PTPRD: variants seen among roughly 807,000 people sequenced by gnomAD.
The protein encoded by PTPRD is protein tyrosine phosphatase receptor type D.
Under a neutral mutation model 214.5 loss-of-function variants are expected in PTPRD, and 34 were observed. The observed-to-expected ratio is 0.16, with a 90% CI of 0.12 to 0.21. The LOEUF is 0.21. Ranked by LOEUF, PTPRD falls within the 10% of genes least tolerant of loss-of-function variation. The probability of loss-of-function intolerance (pLI) is 1.00; values close to 1 mark genes in which losing one functional copy is unlikely to be tolerated. For missense variants in PTPRD, 2,545 were observed against 2,398.7 expected, an observed-to-expected ratio of 1.06 and a Z score of -1.27; for synonymous variants, 1,128 against 845.7, an observed-to-expected ratio of 1.33 and a Z score of -5.79.
intron 35 of PTPRD, among the ~76,000 whole-genome samples, chr9:8,429,995 T>G (rs1029668674): frequency 6.6e-6 from 1 of 152,190 alleles, no homozygotes; most frequent in Non-Finnish European, 1.5e-5. Context: ...CATGACAGGA[T>G]GGACTGTGGT....
At chr9:9,821,738 G>A (rs995011942) in intron 5 of PTPRD, among the ~76,000 whole-genome samples, 5 of 151,574 alleles carry the variant, frequency 3.3e-5, no homozygotes, top group Non-Finnish European at 7.4e-5. Flanking sequence ...AAATTTTACT[G>A]AAGACTTTGA....
intron 3 of PTPRD, among the ~76,000 whole-genome samples, chr9:10,257,664 G>C (rs1325059532): frequency 6.6e-6 from 1 of 152,094 alleles, no homozygotes; most frequent in Non-Finnish European, 1.5e-5. Flanking sequence ...TGAGAGGAGA[G>C]ACATCTGACC....
intron 31 of PTPRD, among the ~76,000 whole-genome samples, chr9:8,466,614 G>C (rs1469909878): frequency 6.6e-6 from 1 of 151,850 alleles, no homozygotes; most frequent in African/African-American, 2.4e-5. Context: ...CAAGGGAAAG[G>C]TCTGTATTAG....
chr9:9,437,313 C>T (rs996428718), intron 8 of PTPRD, among the ~76,000 whole-genome samples: 2 of 151,980 alleles, frequency 1.3e-5, no homozygotes, highest in East Asian at 1.9e-4. Context: ...TGTATTATTA[C>T]TTATTTTACT....
At chr9:8,984,905 A>T (rs1471094809) in intron 11 of PTPRD, among the ~76,000 whole-genome samples, 1 of 151,968 alleles carries the variant, frequency 6.6e-6, no homozygotes, top group African/African-American at 2.4e-5. Context: ...ACACTAAGTC[A>T]CTCATTTGAT....
intron 2 of PTPRD, among the ~76,000 whole-genome samples, chr9:10,415,797 G>A (rs920724039): frequency 1.3e-5 from 2 of 151,744 alleles, no homozygotes; most frequent in East Asian, 2.0e-4. Context: ...AAGAGGTGGT[G>A]ATTTTTACAG....
intron 10 of PTPRD, among the ~76,000 whole-genome samples, chr9:9,114,227 G>A (rs1476662138): frequency 1.3e-5 from 2 of 152,232 alleles, no homozygotes; most frequent in East Asian, 3.9e-4. Context: ...GGGTAGTTCG[G>A]GTGCAAACAG....
intron 4 of PTPRD, among the ~76,000 whole-genome samples, chr9:9,967,646 A>T (rs2094798963): frequency 6.6e-6 from 1 of 152,192 alleles, no homozygotes; most frequent in Non-Finnish European, 1.5e-5. Context: ...TAGAGAATTA[A>T]AAGTTGTATT....
At chr9:9,736,237 G>C (rs538634400) in intron 6 of PTPRD, among the ~76,000 whole-genome samples, 6 of 152,148 alleles carry the variant, frequency 3.9e-5, no homozygotes, top group African/African-American at 1.4e-4. Flanking sequence ...TTTTTGTCCA[G>C]CCTATGGTTC....
At chr9:8,973,550 T>A (rs1589139212) in intron 11 of PTPRD, among the ~76,000 whole-genome samples, 1 of 152,016 alleles carries the variant, frequency 6.6e-6, no homozygotes, top group Non-Finnish European at 1.5e-5. Context: ...CTTTTTAGTA[T>A]AATGATCTAT....
At chr9:9,801,548 G>A (rs754537604) in intron 5 of PTPRD, among the ~76,000 whole-genome samples, 15 of 152,128 alleles carry the variant, frequency 9.9e-5, no homozygotes, top group African/African-American at 2.6e-4. Flanking sequence ...GGTATATAAA[G>A]GGAGCATATT....
intron 13 of PTPRD, among the ~76,000 whole-genome samples, chr9:8,634,350 C>T (rs1431755985): frequency 6.6e-6 from 1 of 151,934 alleles, no homozygotes; most frequent in Non-Finnish European, 1.5e-5. Context: ...AGAAGTTGTG[C>T]CTTTTTTCTC....
intron 8 of PTPRD, among the ~76,000 whole-genome samples, chr9:9,539,104 G>C (rs2077068215): frequency 6.6e-6 from 1 of 151,772 alleles, no homozygotes; most frequent in Non-Finnish European, 1.5e-5. Context: ...AACAGTACAG[G>C]GTGATGTAAT....
intron 9 of PTPRD, among the ~76,000 whole-genome samples, chr9:9,350,327 T>C (rs2050630965): frequency 6.6e-6 from 1 of 152,110 alleles, no homozygotes; most frequent in Admixed American, 6.6e-5. Context: ...AGGTATGTGA[T>C]ATGGATTTCT....
chr9:9,728,324 G>A (rs1431597913), intron 7 of PTPRD, among the ~76,000 whole-genome samples: 1 of 152,158 alleles, frequency 6.6e-6, no homozygotes, highest in African/African-American at 2.4e-5. Flanking sequence ...AATACTTTAT[G>A]AGTCATAATT....
chr9:10,450,409 A>T (rs1170533770), intron 2 of PTPRD, among the ~76,000 whole-genome samples: 1 of 151,982 alleles, frequency 6.6e-6, no homozygotes, highest in Admixed American at 6.6e-5. Flanking sequence ...GGGAACTATA[A>T]GCAATTTGTA....
At chr9:9,371,168 T>G (rs990627676) in intron 9 of PTPRD, among the ~76,000 whole-genome samples, 9 of 152,026 alleles carry the variant, frequency 5.9e-5, no homozygotes, top group Non-Finnish European at 1.0e-4. Flanking sequence ...CCATTAATTG[T>G]AATAGTTTCA....
intron 19 of PTPRD, 55 bp from the exon 20 acceptor site, chr9:8,521,601 T>A (rs2138930457): frequency 6.4e-7 from 1 of 1,572,848 alleles, no homozygotes; most frequent in Non-Finnish European, 8.6e-7. Flanking sequence ...AAAAGTGGAT[T>A]ATTAAACACA....
At chr9:8,471,829 G>C (rs2096659338) in intron 30 of PTPRD, among the ~76,000 whole-genome samples, 1 of 152,068 alleles carries the variant, frequency 6.6e-6, no homozygotes. Context: ...AATAGGTATG[G>C]GTTATTTGTA....
Sources: allele counts gnomAD v4.1 joint callset (sites outside exome capture counted in the v4.1 genomes callset), GRCh38; gene constraint gnomAD v4.1.1; transcripts MANE v1.5; gene names NCBI Gene and HGNC (gene_info 2026-07-23, HGNC 2026-07-21).